Variants in AGAP1 observed in about 807,000 individuals in gnomAD.
AGAP1 encodes the protein arf-GAP with GTPase, ANK repeat and PH domain-containing protein 1.
Under a neutral mutation model 105.3 loss-of-function variants are expected in AGAP1, and 29 were observed. The observed-to-expected ratio is 0.28, with a 90% CI of 0.21 to 0.38. AGAP1 has a LOEUF of 0.38. AGAP1 is among the 10% of genes least tolerant of loss of function. The pLI is 1.00. For synonymous variants in AGAP1, 509 were observed against 485.9 expected (o/e 1.05, Z -0.63); for missense variants, 998 against 1,165.1 (o/e 0.86, Z 2.09).
At chr2:235,657,552 A>G (rs568153937) in intron 1 of AGAP1, among the ~76,000 whole-genome samples, 10 of 151,920 alleles carry the variant, frequency 6.6e-5, no homozygotes, top group Admixed American at 2.6e-4. Context: ...CTAATTTTTT[A>G]TATTTTTTAG....
intron 1 of AGAP1, among the ~76,000 whole-genome samples, chr2:235,591,027 T>G (rs754424789): frequency 1.3e-5 from 2 of 151,174 alleles, no homozygotes; most frequent in Non-Finnish European, 2.9e-5. Context: ...CCTATATTTT[T>G]AATTTTTTGA....
chr2:236,004,934 A>G (rs558607993), intron 13 of AGAP1, among the ~76,000 whole-genome samples: 2 of 152,236 alleles, frequency 1.3e-5, no homozygotes, highest in Non-Finnish European at 2.9e-5. Flanking sequence ...TACTCTTGGC[A>G]TTTTATTCTA....
chr2:235,874,846 C>T lies in AGAP1; in HGVS notation c.1051-8499C>T, dbSNP rs1320351846. ...GTGTGCGTGTGCTCTTGCACACGCT[C>T]ATGGATCAAGGCAGAGGATGAGTTT... On this transcript the variant is annotated intron_variant, in intron 9 of 17. Transcript: ENST00000304032. The surrounding 1 kb of genome is among the most constrained non-coding windows in gnomAD (Gnocchi z 4.5). Among the ~76,000 whole-genome samples, 1 of 152,176 alleles carries T rather than the reference C, an allele frequency of 6.6e-6. No homozygotes were observed.
At chr2:235,573,095 CTTCTTCTTCCTTT>C (rs1944625559) in intron 1 of AGAP1, among the ~76,000 whole-genome samples, 2 of 114,660 alleles carry the variant, frequency 1.7e-5, no homozygotes, top group African/African-American at 8.1e-5. Flanking sequence ...CTTCTTTCTT[CTTCTTCTTCCTTT>C]TTTTTTTTTT....
At position 235,904,909 on chromosome 2, in the gene AGAP1, A is replaced by T. The variant is rs6744259; in HGVS notation, c.1156-3829A>T. ...TTGAGTAGGAAATGCATTTTGTAAA[A>T]TTTTTAAAAATGTGCAGTGCCTTGA... On this transcript the variant is annotated intron_variant, in intron 10 of 17. Transcript: ENST00000304032. The surrounding 1 kb of genome is among the most constrained non-coding windows in gnomAD (Gnocchi z 4.2). 2.0e-5 allele frequency among the ~76,000 whole-genome samples: 3 copies of T among 151,790 alleles called. No homozygotes were observed. Among genetic ancestry groups the T allele is most frequent in the Admixed American group, 2.0e-4 (3 of 15,262 alleles).
At position 236,036,417 on chromosome 2, in the gene AGAP1, C is replaced by T. The variant is rs2057383334; in HGVS notation, c.1646-144C>T. The T allele has an allele frequency of 7.4e-6, 8 of 1,086,452 alleles. 2 individuals carry two copies. In the South Asian group the frequency reaches 9.2e-5, roughly 13 times the overall value. The allele number at this position is 1,086,452 out of a possible 1,614,324, so 67.3% of individuals were successfully genotyped here. On this transcript the variant is annotated intron_variant, in intron 13 of 17. Coordinates refer to ENST00000304032, the MANE Select transcript of AGAP1 (RefSeq NM_001037131.3). This position sits in a 1 kb window ranked among gnomAD's most constrained non-coding sequence, Gnocchi z 5.7. ...TGGGAGGTGCATGGATTCAAATCTC[C>T]GCCGCCGTGGTTGTCCAGTGCCGTG...
rs1388259387 is a variant in AGAP1 at position 236,120,874 on chromosome 2, C to T, written c.2370+427C>T. Among the ~76,000 whole-genome samples, 10 of 152,210 alleles carry T rather than the reference C, an allele frequency of 6.6e-5. No homozygotes were observed. Among genetic ancestry groups the T allele is most frequent in the African/African-American group, 1.2e-4 (5 of 41,454 alleles). On this transcript the variant is annotated intron_variant, in intron 17 of 17. Coordinates refer to ENST00000304032, the MANE Select transcript of AGAP1 (RefSeq NM_001037131.3). The surrounding 1 kb of genome is among the most constrained non-coding windows in gnomAD (Gnocchi z 6.0). ...CAGGAGTTTGTCAAAGGACTTCTTT[C>T]GAACCATTCTGATTAATTTCTACTG...
rs1952449678 is a variant in AGAP1, at chr2:235,739,470, C to T, written c.311-1493C>T. On this transcript the variant is annotated intron_variant, in intron 3 of 17. Coordinates refer to ENST00000304032, the MANE Select transcript of AGAP1 (RefSeq NM_001037131.3). This position sits in a 1 kb window ranked among gnomAD's most constrained non-coding sequence, Gnocchi z 5.3. ...CTGGATGTGTCCCCTGCTAACGGGC[C>T]TCAGCCTGACCATTTCCAGTGGGCC... Among the ~76,000 whole-genome samples, 1 of 152,264 alleles carries T rather than the reference C, an allele frequency of 6.6e-6. No homozygotes were observed. The highest frequency in any genetic ancestry group is 2.1e-4 in the South Asian group (1 of 4,836).
In AGAP1 at chr2:235,847,702, C is replaced by T. The variant is rs186147318; in HGVS notation, c.1051-35643C>T. On this transcript the variant is annotated intron_variant, in intron 9 of 17. Transcript: ENST00000304032. ...TACCGTCTGTAGATCCTGAAACGGG[C>T]GCCTTTCTGTGCTTGTTTGCCACGA... Among the ~76,000 whole-genome samples the T allele has an allele frequency of 9.9e-5, 15 of 152,280 alleles. 1 individual carries two copies. The highest frequency in any genetic ancestry group is 1.6e-4 in the Non-Finnish European group (11 of 68,028).
At chr2:236,031,492 C>T (rs969208179) in intron 13 of AGAP1, among the ~76,000 whole-genome samples, 1 of 152,098 alleles carries the variant, frequency 6.6e-6, no homozygotes, top group Non-Finnish European at 1.5e-5. Context: ...TCAAAGCTGC[C>T]TTCATTGAGA....
rs1464604963 is a variant in AGAP1, at chr2:236,083,632, A to T, written c.2114+34351A>T. ...CCCAAATTTGGGAGGCTTTCTTATGATCATTCTTAAATAGTTTATTGTCTT... is the reference window on the plus strand; with the variant it reads ...CCCAAATTTGGGAGGCTTTCTTATGTTCATTCTTAAATAGTTTATTGTCTT... On this transcript the variant is annotated intron_variant, in intron 16 of 17. Coordinates refer to ENST00000304032, the MANE Select transcript of AGAP1 (RefSeq NM_001037131.3). This position sits in a 1 kb window ranked among gnomAD's most constrained non-coding sequence, Gnocchi z 5.3. Among the ~76,000 whole-genome samples the T allele has an allele frequency of 6.6e-6, 1 of 152,194 alleles. No homozygotes were observed. The highest frequency in any genetic ancestry group is 2.4e-5 in the African/African-American group (1 of 41,440).
At chr2:235,501,987 G>T (rs902457130) in intron 1 of AGAP1, among the ~76,000 whole-genome samples, 3 of 152,286 alleles carry the variant, frequency 2.0e-5, no homozygotes, top group African/African-American at 7.2e-5. Context: ...TGCAGCATCT[G>T]TTATTTTTAT....
rs1171901690 is a variant in AGAP1 at position 235,905,736 on chromosome 2, T to C, written c.1156-3002T>C. ...CTGGTCTTGAACTCCTGACCTCAAG[T>C]GATCCACTCTCCTCGGCCTCCCAGA... On this transcript the variant is annotated intron_variant, in intron 10 of 17. Transcript: ENST00000304032. The surrounding 1 kb of genome is among the most constrained non-coding windows in gnomAD (Gnocchi z 4.2). 6.6e-6 allele frequency among the ~76,000 whole-genome samples: 1 copy of C among 152,188 alleles called. No individual in the cohort carries two copies. The highest frequency in any genetic ancestry group is 2.4e-5 in the African/African-American group (1 of 41,448).
chr2:235,788,933 G>GT lies in AGAP1; in HGVS notation c.674-8824dup, dbSNP rs1956810124. On this transcript the variant is annotated intron_variant, in intron 6 of 17. Transcript: ENST00000304032. The surrounding 1 kb of genome is among the most constrained non-coding windows in gnomAD (Gnocchi z 6.0). ...TCCTCCTGAGGCCTGGAGCCTGGCA[G>GT]TTGGTCAGCTCCCTGGCCCCTGCTG... 6.6e-6 allele frequency among the ~76,000 whole-genome samples: 1 copy of GT among 152,216 alleles called. No individual in the cohort carries two copies.
intron 13 of AGAP1, 34 bp downstream of exon 13, chr2:235,968,657 C>A (rs369512480): frequency 3.3e-5 from 52 of 1,582,330 alleles, no homozygotes; most frequent in Non-Finnish European, 4.4e-5. Flanking sequence ...GAGAGAGTCT[C>A]CACTGCGGAA....
intron 1 of AGAP1, among the ~76,000 whole-genome samples, chr2:235,507,791 T>C (rs1241847476): frequency 6.6e-6 from 1 of 152,154 alleles, no homozygotes; most frequent in African/African-American, 2.4e-5. Flanking sequence ...CAGCCACCTA[T>C]GGGCCTTTAT....
chr2:235,698,660 T>C (rs1950112270), intron 1 of AGAP1, among the ~76,000 whole-genome samples: 1 of 152,214 alleles, frequency 6.6e-6, no homozygotes, highest in Non-Finnish European at 1.5e-5. Context: ...GACAATGTTC[T>C]ACCGCTTCTT....
rs60059513 is a variant in AGAP1 at position 235,629,268 on chromosome 2, TTGTGTGTGTGTGTGTGTGTGTGTGTGTG to T, written c.164-79887_164-79860del. Among the ~76,000 whole-genome samples, 46 of 135,818 alleles carry T rather than the reference TTGTGTGTGTGTGTGTGTGTGTGTGTGTG, an allele frequency of 3.4e-4. No individual in the cohort carries two copies. In the South Asian group the frequency reaches 9.8e-3, roughly 29 times the overall value. The allele number at this position is 135,818 out of a possible 152,430, so 89.1% of individuals were successfully genotyped here. On this transcript the variant is annotated intron_variant, in intron 1 of 17. Transcript: ENST00000304032. ...CCTTCTTAAGGCTGAGTAGTAGTCA[TTGTGTGTGTGTGTGTGTGTGTGTGTGTG>T]TGTGTGTGTGTGTGTGTGTGTGTAT... is the stretch of plus-strand genomic sequence containing the variant.
intron 1 of AGAP1, among the ~76,000 whole-genome samples, chr2:235,594,980 A>G (rs978112714): frequency 5.3e-5 from 8 of 151,020 alleles, no homozygotes; most frequent in Admixed American, 5.3e-4. Context: ...AGCTGGAACC[A>G]GAGCACCAGG....
Sources: allele counts gnomAD v4.1 joint callset (sites outside exome capture counted in the v4.1 genomes callset), GRCh38; gene constraint gnomAD v4.1.1; non-coding constraint Gnocchi (gnomAD v3.1); transcripts MANE v1.5; gene names NCBI Gene and HGNC (gene_info 2026-07-23, HGNC 2026-07-21).